The following RNF166 variants were observed in gnomAD, a reference collection of about 807,000 sequenced individuals.
RNF166 encodes the protein ring finger protein 166.
RNF166 carries 19 observed loss-of-function variants against 29.4 expected under a neutral mutation model. The observed-to-expected ratio is 0.65, with a 90% CI of 0.45 to 0.95. RNF166 has a LOEUF of 0.95. RNF166 is among the 40% of genes least tolerant of loss of function. The pLI, the probability that RNF166 is intolerant of heterozygous loss-of-function variation, is 0.00. For missense variants in RNF166, 347 were observed against 322.1 expected, an observed-to-expected ratio of 1.08 and a Z score of -0.59; for synonymous variants, 171 against 134.5, an observed-to-expected ratio of 1.27 and a Z score of -1.88.
chr16:88,701,946 C>T (rs1402348313), intron 1 of RNF166, among the ~76,000 whole-genome samples: 1 of 152,232 alleles, frequency 6.6e-6, no homozygotes, highest in Non-Finnish European at 1.5e-5. Flanking sequence ...CATCCTGAGG[C>T]TGGGTGGCAG....
intron 2 of RNF166, chr16:88,700,959 A>T: frequency 8.1e-7 from 1 of 1,235,754 alleles, no homozygotes; most frequent in Non-Finnish European, 1.0e-6. Context: ...GGAAGGTTTC[A>T]GCTCAGCCCC....
chr16:88,700,753 A>C lies in RNF166; in HGVS notation c.312+509T>G, dbSNP rs1157781997. 7 of 995,552 alleles carry C rather than the reference A, an allele frequency of 7.0e-6. No individual in the cohort carries two copies. The East Asian group carries it at 7.8e-4, about 112-fold the overall frequency. 61.7% of individuals were successfully genotyped at this position (995,552 alleles called of 1,614,324 possible). A position where few individuals can be genotyped will look rare whatever the true frequency, so the allele number is the denominator to read the frequency against. On this transcript the variant is annotated intron_variant, in intron 2 of 5. Transcript: ENST00000312838. ...CAGGACAGGATGGACATGGGGGCCA[A>C]TGAGGCCCATGACAAGCTGCAGGCC...
chr16:88,699,668 T>A lies in RNF166; in HGVS notation c.377A>T (p.Asn126Ile). Residue 126 changes from asparagine (N) to isoleucine (I), a missense_variant, in exon 3 of 6, where the codon AAC (asparagine) becomes ATC (isoleucine). Coordinates refer to ENST00000312838, the MANE Select transcript of RNF166 (RefSeq NM_178841.4). ...CACCACGGGGACGAACTTGGGGCAG[T>A]TGGCCATCTGCTCCTGGACCTTCAG... ...SCLKVQEQMA[N>I]CPKFVPVVPT... 1 of 1,613,502 alleles carries A rather than the reference T, an allele frequency of 6.2e-7. No homozygotes were observed. The highest frequency in any genetic ancestry group is 8.5e-7 in the Non-Finnish European group (1 of 1,179,904).
chr16:88,701,662 C>T (rs553261515), intron 1 of RNF166: 42 of 466,156 alleles, frequency 9.0e-5, no homozygotes, highest in East Asian at 5.0e-4. Context: ...TTCTGGCTAG[C>T]GGCAGAGCCG....
In RNF166 at chr16:88,696,524, C is replaced by CT. The variant is rs35639468; in HGVS notation, c.*1043dup. On this transcript the variant is annotated 3_prime_UTR_variant, in exon 6 of 6. Coordinates refer to ENST00000312838, the MANE Select transcript of RNF166 (RefSeq NM_178841.4). ...GATGCTCTGAGACATTTTATTTAAACTTTTTTTTTTAAAAAAAAGACAGCA... is the reference window on the plus strand; with the variant it reads ...GATGCTCTGAGACATTTTATTTAAACTTTTTTTTTTTAAAAAAAAGACAGCA... The CT allele has an allele frequency of 5.4e-3, 2,085 of 384,634 alleles. 2 individuals are homozygous for CT. The highest frequency in any genetic ancestry group is 0.024 in the East Asian group (272 of 11,558). 23.8% of individuals were successfully genotyped at this position (384,634 alleles called of 1,614,324 possible). A position where few individuals can be genotyped will look rare whatever the true frequency, so the allele number is the denominator to read the frequency against.
At chr16:88,701,173 G>A in intron 2 of RNF166, 89 bp downstream of exon 2, 2 of 1,516,340 alleles carry the variant, frequency 1.3e-6, no homozygotes, top group Non-Finnish European at 1.8e-6. Context: ...AAAGAGAGAG[G>A]GCCCCGGCCC....
At chr16:88,704,578 T>A (rs1447186099) in intron 1 of RNF166, 1 of 985,266 alleles carries the variant, frequency 1.0e-6, no homozygotes, top group Admixed American at 6.1e-5. Flanking sequence ...GTGAAGGTGT[T>A]GGCACCCAAA....
chr16:88,705,940 G>A (rs1910746871), intron 1 of RNF166, among the ~76,000 whole-genome samples: 1 of 151,972 alleles, frequency 6.6e-6, no homozygotes, highest in South Asian at 2.1e-4. Context: ...AGCAGCAGTC[G>A]GACCGGGCGC....
At chr16:88,701,663 G>C (rs757879249) in intron 1 of RNF166, 5 of 471,318 alleles carry the variant, frequency 1.1e-5, no homozygotes, top group African/African-American at 8.1e-5. Flanking sequence ...TCTGGCTAGC[G>C]GCAGAGCCGT....
intron 1 of RNF166, chr16:88,703,233 A>T (rs765935398): frequency 9.2e-6 from 9 of 977,194 alleles, no homozygotes; most frequent in Non-Finnish European, 1.1e-5. Flanking sequence ...AGTGGGAAGA[A>T]TCTTCTAGAA....
chr16:88,701,440 G>A (rs763126790), intron 1 of RNF166, 22 bp from the exon 2 acceptor site: 7 of 1,525,826 alleles, frequency 4.6e-6, no homozygotes, highest in African/African-American at 2.8e-5. Context: ...AGGGGCCTGA[G>A]TGCCAGCCCG....
At chr16:88,702,622 T>C (rs920423970) in intron 1 of RNF166, among the ~76,000 whole-genome samples, 1 of 152,200 alleles carries the variant, frequency 6.6e-6, no homozygotes, top group Non-Finnish European at 1.5e-5. Flanking sequence ...CCAGGCCCTC[T>C]TTGCCACCAC....
At chr16:88,698,131 T>G (rs1023917305) in intron 5 of RNF166, 1 of 578,496 alleles carries the variant, frequency 1.7e-6, no homozygotes, top group Admixed American at 3.1e-5. Flanking sequence ...CCGCGGCGGG[T>G]GGGAAAAGGA....
rs1383735525 is a variant in RNF166, at chr16:88,697,758, C to T, written c.649-125G>A. 4 of 702,186 alleles carry T rather than the reference C, an allele frequency of 5.7e-6. No individual in the cohort carries two copies. In the Admixed American group the frequency reaches 8.9e-5, roughly 16 times the overall value. The allele number at this position is 702,186 out of a possible 1,614,324, so 43.5% of individuals were successfully genotyped here. ...CCCTCCAGCAGGACACAGGAAGGAC[C>T]CAGCTCCACTGTCCCCACAGGCTCG... On this transcript the variant is annotated intron_variant, in intron 5 of 5. Transcript: ENST00000312838.
At chr16:88,699,187 A>T in intron 3 of RNF166, 102 bp from the exon 4 acceptor site, 2 of 847,434 alleles carry the variant, frequency 2.4e-6, no homozygotes, top group Non-Finnish European at 3.9e-6. Flanking sequence ...TGCCCTCTGT[A>T]GGCTGCAAGA....
rs367969257 is a variant in RNF166, at chr16:88,705,042, G to C, written c.155+1129C>G. Among the ~76,000 whole-genome samples the C allele has an allele frequency of 1.5e-4, 23 of 152,348 alleles. 1 individual carries two copies. In the East Asian group the frequency reaches 4.4e-3, roughly 29 times the overall value. ...TGCCCCCCCAAAATGTCACGGCTAA[G>C]TGAGATGGAGGAGCAGGGGCAGAGC... is the stretch of plus-strand genomic sequence containing the variant. On this transcript the variant is annotated intron_variant, in intron 1 of 5. Transcript: ENST00000312838.
intron 1 of RNF166, chr16:88,702,865 T>C (rs1910394777): frequency 2.0e-6 from 2 of 985,452 alleles, no homozygotes; most frequent in Non-Finnish European, 2.4e-6. Context: ...GCCGCCTACT[T>C]CACCCGTTCA....
chr16:88,699,530 C>T, intron 3 of RNF166, 90 bp downstream of exon 3: 1 of 1,044,300 alleles, frequency 9.6e-7, no homozygotes. Context: ...GTGACTCCCC[C>T]AGCCTCTCTG....
intron 1 of RNF166, chr16:88,702,627 C>T (rs1476509824): frequency 2.2e-6 from 2 of 908,038 alleles, no homozygotes; most frequent in Non-Finnish European, 2.6e-6. Flanking sequence ...CCCTCTTTGC[C>T]ACCACTGGAT....
Sources: allele counts gnomAD v4.1 joint callset (sites outside exome capture counted in the v4.1 genomes callset), GRCh38; gene constraint gnomAD v4.1.1; transcripts MANE v1.5; gene names NCBI Gene and HGNC (gene_info 2026-07-23, HGNC 2026-07-21).